PIWIL3: variants seen among roughly 807,000 people sequenced by gnomAD.
PIWIL3 encodes the protein piwi like RNA-mediated gene silencing 3.
Under a neutral mutation model 109.7 loss-of-function variants are expected in PIWIL3, and 101 were observed. The ratio of observed to expected loss-of-function variants is 0.92; its 90% CI spans 0.78 to 1.09. PIWIL3 has a LOEUF of 1.09. PIWIL3 is among the 50% of genes least tolerant of loss of function. The probability of loss-of-function intolerance (pLI) is 0.00; values close to 1 mark genes in which losing one functional copy is unlikely to be tolerated. For synonymous variants in PIWIL3, 373 were observed against 376.4 expected (o/e 0.99, Z 0.10); for missense variants, 1,031 against 1,072.6 (o/e 0.96, Z 0.54).
At chr22:24,754,726 T>A (rs1277369432) in intron 7 of PIWIL3, 58 bp downstream of exon 7, 1 of 1,378,694 alleles carries the variant, frequency 7.3e-7, no homozygotes, top group Non-Finnish European at 1.0e-6. Context: ...TGAATAACTT[T>A]CTCAAAAAAT....
In PIWIL3 at chr22:24,749,531, A is replaced by C; in HGVS notation, c.1217-10T>G. 1 of 1,612,924 alleles carries C rather than the reference A, an allele frequency of 6.2e-7. No homozygotes were observed. Among genetic ancestry groups the C allele is most frequent in the Non-Finnish European group, 8.5e-7 (1 of 1,179,826 alleles). ...ATTTCATCTGTTAGACCTTTAAAAA[A>C]ATCCAAAAGATACAGCTGAACAAGC... On this transcript the variant is annotated splice_polypyrimidine_tract_variant and intron_variant, in intron 10 of 20. Coordinates refer to ENST00000616349, the MANE Select transcript of PIWIL3 (RefSeq NM_001255975.1).
Position 24,735,698 on chromosome 22 carries a change from C to A in PIWIL3, c.1634+10G>T. Reference sequence around the variant, plus strand: ...ATCGATTTTCAAATGGGAATTTCTGCTCTACTTACATTTCTGCTGGTTTCA... The same window carrying A: ...ATCGATTTTCAAATGGGAATTTCTGATCTACTTACATTTCTGCTGGTTTCA... On this transcript the variant is annotated intron_variant, in intron 13 of 20. Transcript: ENST00000616349. 6.4e-7 allele frequency: 1 copy of A among 1,566,044 alleles called. No homozygotes were observed.
intron 12 of PIWIL3, among the ~76,000 whole-genome samples, chr22:24,737,757 A>C (rs2147670399): frequency 6.6e-6 from 1 of 152,212 alleles, no homozygotes; most frequent in East Asian, 1.9e-4. Flanking sequence ...CATTCACCGC[A>C]AGCTGACTGA....
intron 19 of PIWIL3, among the ~76,000 whole-genome samples, chr22:24,721,274 G>A (rs1296146046): frequency 6.6e-6 from 1 of 152,136 alleles, no homozygotes; most frequent in Non-Finnish European, 1.5e-5. Context: ...CTTGCTGAAT[G>A]TGATTTTTAT....
chr22:24,762,397 CTG>C lies in PIWIL3; in HGVS notation c.101_102del (p.Thr34AsnfsTer22), dbSNP rs1569111641. 1.2e-6 allele frequency: 2 copies of C among 1,612,774 alleles called. No individual in the cohort carries two copies. The highest frequency in any genetic ancestry group is 2.2e-5 in the East Asian group (1 of 44,864). On this transcript the variant is annotated frameshift_variant and splice_region_variant, in exon 2 of 21. Transcript: ENST00000616349. LOFTEE classifies it high-confidence loss of function. ...AAAGGAAACAACGTTACAGGGCTCA[CTG>C]TAGCTGATCCAGGTGCTCTGGGTCC... ...PGGPRAPGSA[T>X]TQEPPQLQST... is the part of the protein sequence containing the mutation.
intron 1 of PIWIL3, among the ~76,000 whole-genome samples, chr22:24,765,148 C>A (rs749505429): frequency 6.6e-6 from 1 of 152,084 alleles, no homozygotes; most frequent in Non-Finnish European, 1.5e-5. Flanking sequence ...AATTTGTCAG[C>A]GTTCTACCAG....
At chr22:24,723,888 G>T (rs1922827499) in intron 18 of PIWIL3, among the ~76,000 whole-genome samples, 1 of 152,130 alleles carries the variant, frequency 6.6e-6, no homozygotes, top group South Asian at 2.1e-4. Context: ...ATGTTGGCCA[G>T]GCTGGTCTCA....
rs533837736 is a variant in PIWIL3 at position 24,742,927 on chromosome 22, G to A, written c.1449+5980C>T. 5.9e-5 allele frequency among the ~76,000 whole-genome samples: 9 copies of A among 152,246 alleles called. No homozygotes were observed. In the South Asian group the frequency reaches 1.7e-3, roughly 28 times the overall value. ...AATTAAACTAAAAAACTTATGCACA[G>A]CAAAAGAAATAATCAGCAAACAGAC... On this transcript the variant is annotated intron_variant, in intron 12 of 20. Transcript: ENST00000616349.
chr22:24,771,919 C>T (rs542716047), intron 1 of PIWIL3, among the ~76,000 whole-genome samples: 2 of 152,274 alleles, frequency 1.3e-5, no homozygotes, highest in Admixed American at 6.5e-5. Context: ...TGGTCTCTTA[C>T]TCCTGACCTC....
chr22:24,762,548 CT>C (rs1363799453), intron 1 of PIWIL3, 27 bp from the exon 2 acceptor site: 2 of 1,552,746 alleles, frequency 1.3e-6, no homozygotes, highest in Non-Finnish European at 1.7e-6. Flanking sequence ...TATTAGACAT[CT>C]CTGTGGAGTT....
chr22:24,737,475 A>C (rs1923725684), intron 12 of PIWIL3, among the ~76,000 whole-genome samples: 2 of 152,232 alleles, frequency 1.3e-5, no homozygotes, highest in South Asian at 4.1e-4. Flanking sequence ...GGGTGGACTC[A>C]GACATGCTGG....
chr22:24,759,744 C>T (rs914904946), intron 3 of PIWIL3, 125 bp downstream of exon 3: 3 of 1,380,080 alleles, frequency 2.2e-6, no homozygotes, highest in Admixed American at 2.0e-5. Context: ...TTGCAAGCTG[C>T]ACACACTTCC....
rs896879335 is a variant in PIWIL3, at chr22:24,719,407, G to T, written c.*65C>A. The T allele has an allele frequency of 2.4e-5, 30 of 1,246,944 alleles. No homozygotes were observed. Among genetic ancestry groups the T allele is most frequent in the Non-Finnish European group, 3.1e-5 (28 of 896,112 alleles). The allele number at this position is 1,246,944 out of a possible 1,614,324, so 77.2% of individuals were successfully genotyped here. On this transcript the variant is annotated 3_prime_UTR_variant, in exon 21 of 21. Coordinates refer to ENST00000616349, the MANE Select transcript of PIWIL3 (RefSeq NM_001255975.1). ...CCTAGGAAAATATTTCAGACATCCT[G>T]CTTCAAAAGGAAGACAGGCTTACAC...
At chr22:24,745,717 G>GAAAAAAAAAAAAA (rs71189273) in intron 12 of PIWIL3, among the ~76,000 whole-genome samples, 2 of 80,240 alleles carry the variant, frequency 2.5e-5, no homozygotes, top group East Asian at 3.5e-4. Context: ...GTCAGACTAA[G>GAAAAAAAAAAAAA]AAAAAAAAAA....
intron 1 of PIWIL3, among the ~76,000 whole-genome samples, chr22:24,772,359 A>G (rs1378941730): frequency 6.6e-6 from 1 of 152,348 alleles, no homozygotes; most frequent in East Asian, 1.9e-4. Context: ...GGACAATATT[A>G]TGTCCCTGGC....
intron 1 of PIWIL3, among the ~76,000 whole-genome samples, chr22:24,767,481 G>A (rs2147730926): frequency 6.6e-6 from 1 of 151,978 alleles, no homozygotes; most frequent in East Asian, 1.9e-4. Flanking sequence ...AACCTGGCAG[G>A]TGGAGGTTGC....
chr22:24,762,692 G>A (rs889772947), intron 1 of PIWIL3, among the ~76,000 whole-genome samples, 171 bp from the exon 2 acceptor site: 1 of 152,190 alleles, frequency 6.6e-6, no homozygotes, highest in Non-Finnish European at 1.5e-5. Flanking sequence ...CATCTGGTGA[G>A]GGTCTCATGC....
At chr22:24,747,494 G>A (rs184433516) in intron 12 of PIWIL3, among the ~76,000 whole-genome samples, 65 of 152,186 alleles carry the variant, frequency 4.3e-4, no homozygotes, top group Non-Finnish European at 1.6e-4. Flanking sequence ...TGTAGCAAAG[G>A]AAACAAAGTA....
At chr22:24,735,458 G>T (rs8139987) in intron 13 of PIWIL3, among the ~76,000 whole-genome samples, 33,364 of 152,042 alleles carry the variant, frequency 0.22, 4,026 homozygotes, top group Admixed American at 0.32. Flanking sequence ...GGAAACATGC[G>T]TGAGAATTCT....
Sources: gnomAD v4.1 joint callset for allele counts (sites outside exome capture counted in the v4.1 genomes callset) on GRCh38, gnomAD v4.1.1 for gene constraint, MANE v1.5 for transcripts, NCBI Gene and HGNC (gene_info 2026-07-23, HGNC 2026-07-21) for gene names.